The following SCN11A variants were observed in gnomAD, a reference collection of about 807,000 sequenced individuals.
SCN11A encodes the protein sodium voltage-gated channel alpha subunit 11, also known as sodium channel protein type 11 subunit alpha.
SCN11A carries 122 observed loss-of-function variants against 162.2 expected under a neutral mutation model. The ratio of observed to expected loss-of-function variants is 0.75; its 90% CI spans 0.65 to 0.87. SCN11A has a LOEUF of 0.87. SCN11A is among the 40% of genes least tolerant of loss of function. The pLI is 0.00. For missense variants in SCN11A, 2,015 were observed against 2,181.6 expected (o/e 0.92, Z 1.52); for synonymous variants, 758 against 751.5 (o/e 1.01, Z -0.14).
intron 4 of SCN11A, among the ~76,000 whole-genome samples, chr3:38,951,617 A>G (rs957837444): frequency 3.3e-5 from 5 of 152,230 alleles, no homozygotes; most frequent in Non-Finnish European, 7.3e-5. Context: ...TGAGCTCCTG[A>G]GTCTGGTGGG....
chr3:38,863,185 T>C lies in SCN11A; in HGVS notation c.4056+10A>G, dbSNP rs752478124. 1.3e-5 allele frequency: 19 copies of C among 1,444,812 alleles called. No homozygotes were observed. Among genetic ancestry groups the C allele is most frequent in the Non-Finnish European group, 1.7e-5 (17 of 1,026,642 alleles). 89.5% of individuals were successfully genotyped at this position (1,444,812 alleles called of 1,614,324 possible). A position where few individuals can be genotyped will look rare whatever the true frequency, so the allele number is the denominator to read the frequency against. ...GTTCTACATATTTACAGTCATTCAA[T>C]TGCTCTCACCAGAGGCCGTGGAATG... On this transcript the variant is annotated intron_variant, in intron 28 of 29. Coordinates refer to ENST00000302328, the MANE Select transcript of SCN11A (RefSeq NM_001349253.2).
At chr3:39,028,276 T>C (rs1302423078) in intron 2 of SCN11A, among the ~76,000 whole-genome samples, 1 of 152,150 alleles carries the variant, frequency 6.6e-6, no homozygotes, top group Non-Finnish European at 1.5e-5. Context: ...ACAGCATACA[T>C]CCCCTTGGCG....
intron 19 of SCN11A, among the ~76,000 whole-genome samples, chr3:38,890,410 G>A (rs1310050547): frequency 6.6e-6 from 1 of 152,208 alleles, no homozygotes; most frequent in African/African-American, 2.4e-5. Context: ...ATGGATATTG[G>A]ATATTTTGAT....
intron 2 of SCN11A, among the ~76,000 whole-genome samples, chr3:38,995,976 G>A (rs1462232394): frequency 1.3e-5 from 2 of 152,104 alleles, no homozygotes; most frequent in African/African-American, 4.8e-5. Context: ...GATAGAGCTG[G>A]TACCCTTGCA....
intron 4 of SCN11A, among the ~76,000 whole-genome samples, chr3:38,951,750 T>C (rs542959086): frequency 6.6e-6 from 1 of 152,352 alleles, no homozygotes; most frequent in East Asian, 1.9e-4. Flanking sequence ...TGGTGGGGCC[T>C]TGGAGAACCT....
At chr3:39,011,014 C>T (rs1418299114) in intron 2 of SCN11A, among the ~76,000 whole-genome samples, 3 of 152,094 alleles carry the variant, frequency 2.0e-5, no homozygotes, top group East Asian at 1.9e-4. Flanking sequence ...CCCTTGTTGC[C>T]GAACCAAACC....
rs796217497 is a variant in SCN11A at position 39,031,542 on chromosome 3, C to CA, written c.-280+837dup. On this transcript the variant is annotated intron_variant, in intron 2 of 29. Transcript: ENST00000302328. ...TTCTGTCAAACAAAAAACAAACAAA[C>CA]AAAAAAAAAACAAACAAAGAAGGAA... is the stretch of plus-strand genomic sequence containing the variant. Among the ~76,000 whole-genome samples, 663 of 133,364 alleles carry CA rather than the reference C, an allele frequency of 5.0e-3. 14 individuals are homozygous for CA. The highest frequency in any genetic ancestry group is 0.015 in the African/African-American group (578 of 37,912). 87.5% of individuals were successfully genotyped at this position (133,364 alleles called of 152,430 possible).
chr3:38,871,383 A>G, intron 25 of SCN11A, 62 bp downstream of exon 25: 1 of 1,450,434 alleles, frequency 6.9e-7, no homozygotes. Flanking sequence ...TAGCTGAGAA[A>G]CAATTCATGA....
intron 2 of SCN11A, among the ~76,000 whole-genome samples, chr3:39,017,572 T>C (rs2031328118): frequency 1.3e-5 from 2 of 152,224 alleles, no homozygotes; most frequent in African/African-American, 4.8e-5. Flanking sequence ...CCATCAAATT[T>C]GGGAAAATTT....
chr3:38,857,396 A>G (rs2064887757), intron 28 of SCN11A, among the ~76,000 whole-genome samples: 1 of 152,136 alleles, frequency 6.6e-6, no homozygotes, highest in African/African-American at 2.4e-5. Flanking sequence ...TAGGACAAGT[A>G]GAAGAACTTT....
intron 7 of SCN11A, among the ~76,000 whole-genome samples, chr3:38,938,049 C>A (rs934501617): frequency 6.6e-6 from 1 of 152,120 alleles, no homozygotes; most frequent in Non-Finnish European, 1.5e-5. Context: ...ACGATGCAGC[C>A]ATAAAAAATG....
chr3:38,949,080 T>G (rs1472487526), intron 5 of SCN11A, among the ~76,000 whole-genome samples: 1 of 152,242 alleles, frequency 6.6e-6, no homozygotes, highest in Non-Finnish European at 1.5e-5. Flanking sequence ...AATCTTTCTT[T>G]GAAAGGTCAG....
chr3:38,859,700 C>A (rs891071213), intron 28 of SCN11A, among the ~76,000 whole-genome samples: 1 of 152,142 alleles, frequency 6.6e-6, no homozygotes, highest in African/African-American at 2.4e-5. Context: ...CTGCTTCTAA[C>A]CTTTAAGCTG....
chr3:38,883,486 C>T (rs188203089), intron 21 of SCN11A, 99 bp from the exon 22 acceptor site: 196 of 1,112,804 alleles, frequency 1.8e-4, no homozygotes, highest in Non-Finnish European at 2.3e-4. Flanking sequence ...CCTTGCCATG[C>T]GACCTGCAGT....
At chr3:39,024,302 G>A (rs1692318103) in intron 2 of SCN11A, among the ~76,000 whole-genome samples, 1 of 152,214 alleles carries the variant, frequency 6.6e-6, no homozygotes, top group African/African-American at 2.4e-5. Flanking sequence ...AGCCCAAGAA[G>A]GCCTGTCTGT....
chr3:38,867,550 C>A, intron 26 of SCN11A, 92 bp from the exon 27 acceptor site: 1 of 950,558 alleles, frequency 1.1e-6, no homozygotes, highest in Non-Finnish European at 1.6e-6. Context: ...CAAGGTGTTT[C>A]TTAGCAGCAA....
At chr3:38,873,694 A>T (rs1415213698) in intron 23 of SCN11A, among the ~76,000 whole-genome samples, 1 of 152,116 alleles carries the variant, frequency 6.6e-6, no homozygotes, top group East Asian at 1.9e-4. Flanking sequence ...AACCTTACCC[A>T]AGTTTCTGTT....
chr3:38,962,950 G>A (rs939080285), intron 2 of SCN11A, among the ~76,000 whole-genome samples: 1 of 151,822 alleles, frequency 6.6e-6, no homozygotes, highest in Non-Finnish European at 1.5e-5. Flanking sequence ...GTGAAAAAAT[G>A]CTCAACATCA....
At chr3:38,938,407 A>G (rs1373072041) in intron 7 of SCN11A, among the ~76,000 whole-genome samples, 1 of 149,760 alleles carries the variant, frequency 6.7e-6, no homozygotes, top group Non-Finnish European at 1.5e-5. Context: ...ACAAAAAAGA[A>G]GGAAAATGCA....
Sources: gnomAD v4.1 joint callset for allele counts (sites outside exome capture counted in the v4.1 genomes callset) on GRCh38, gnomAD v4.1.1 for gene constraint, MANE v1.5 for transcripts, NCBI Gene and HGNC (gene_info 2026-07-23, HGNC 2026-07-21) for gene names.